Variants in OTOF observed in about 807,000 individuals in gnomAD.
OTOF encodes otoferlin.
Under a neutral mutation model 236.8 loss-of-function variants are expected in OTOF, and 218 were observed. The observed-to-expected ratio is 0.92, with a 90% CI of 0.82 to 1.03. The LOEUF (loss-of-function observed/expected upper bound fraction) is 1.03. OTOF is among the 50% of genes least tolerant of loss of function. The pLI, the probability that OTOF is intolerant of heterozygous loss-of-function variation, is 0.00. For synonymous variants in OTOF, 1,041 were observed against 1,072.5 expected, an observed-to-expected ratio of 0.97 and a Z score of 0.57; for missense variants, 2,590 against 2,694.4, an observed-to-expected ratio of 0.96 and a Z score of 0.86.
intron 5 of OTOF, among the ~76,000 whole-genome samples, chr2:26,509,379 C>T (rs762777307): frequency 1.3e-5 from 2 of 152,178 alleles, no homozygotes; most frequent in Non-Finnish European, 2.9e-5. Context: ...TTACTGGGAA[C>T]CTGGCAAACT....
chr2:26,513,123 G>C (rs1666430815), intron 5 of OTOF, among the ~76,000 whole-genome samples: 1 of 152,194 alleles, frequency 6.6e-6, no homozygotes, highest in South Asian at 2.1e-4. Flanking sequence ...GGGGCAGAGA[G>C]TCAGTGGGCG....
intron 46 of OTOF, 129 bp downstream of exon 46, chr2:26,459,879 T>C (rs1321766650): frequency 3.3e-6 from 3 of 897,678 alleles, no homozygotes; most frequent in South Asian, 1.6e-5. Context: ...CATGTGTGCA[T>C]ACATGCTTGT....
chr2:26,504,728 C>G (rs577019601), intron 5 of OTOF, among the ~76,000 whole-genome samples: 1 of 152,310 alleles, frequency 6.6e-6, no homozygotes, highest in African/African-American at 2.4e-5. Context: ...TTCCTGGCAC[C>G]AGGAAGCCCC....
intron 5 of OTOF, among the ~76,000 whole-genome samples, chr2:26,507,504 C>CA (rs1324321517): frequency 1.3e-5 from 2 of 152,168 alleles, no homozygotes; most frequent in African/African-American, 4.8e-5. Context: ...ACTTAGATTT[C>CA]AAAAAATGTA....
rs147552283 is a variant in OTOF at position 26,472,522 on chromosome 2, G to C, written c.3861C>G (p.Asp1287Glu). 6.2e-7 allele frequency: 1 copy of C among 1,613,350 alleles called. No individual in the cohort carries two copies. Among genetic ancestry groups the C allele is most frequent in the Non-Finnish European group, 8.5e-7 (1 of 1,179,992 alleles). ...GGGCTGACCCCACCCGCCTTACCGC[G>C]TCCAGCTTCACCATGGTCTCCAGTT... ...IKKLETMVKL[D>E]ATSEAVVKVD... Residue 1287 changes from aspartate (D) to glutamate (E), a missense_variant, in exon 30 of 47, where the codon GAC (aspartate) becomes GAG (glutamate). Around this residue, in one of 2 missense-constraint regions of OTOF, gnomAD observed 1,211 missense variants for 1,352.8 expected, o/e 0.90. Coordinates refer to ENST00000272371, the MANE Select transcript of OTOF (RefSeq NM_194248.3).
chr2:26,508,645 C>T (rs1424030721), intron 5 of OTOF, among the ~76,000 whole-genome samples: 1 of 152,224 alleles, frequency 6.6e-6, no homozygotes, highest in Non-Finnish European at 1.5e-5. Flanking sequence ...TCTCCCCAAA[C>T]CAGCCTATCC....
chr2:26,463,613 C>T, intron 40 of OTOF, 42 bp from the exon 41 acceptor site: 1 of 1,485,930 alleles, frequency 6.7e-7, no homozygotes. Flanking sequence ...GGCCTTCTCC[C>T]TCTGCCCAGG....
intron 1 of OTOF, among the ~76,000 whole-genome samples, chr2:26,543,371 G>C (rs904447673): frequency 2.0e-5 from 3 of 152,206 alleles, no homozygotes; most frequent in Non-Finnish European, 4.4e-5. Context: ...TGTTAGCCGG[G>C]GGTCATTATC....
At chr2:26,537,820 C>A in intron 1 of OTOF, 46 bp from the exon 2 acceptor site, 1 of 1,404,532 alleles carries the variant, frequency 7.1e-7, no homozygotes. Context: ...GCTGTCCAGA[C>A]GATGAGCATG....
rs776974320 is a variant in OTOF at position 26,464,446 on chromosome 2, C to A, written c.4961-340G>T. Among the ~76,000 whole-genome samples the A allele has an allele frequency of 2.9e-4, 44 of 152,222 alleles. No individual in the cohort carries two copies. In the Middle Eastern group the frequency reaches 0.024, roughly 82 times the overall value. On this transcript the variant is annotated intron_variant, in intron 39 of 46. Transcript: ENST00000272371. ...ATACCAGCACAGACACCTCCCAATT[C>A]TCTGCTTCTCTGGGAAGTGCCTCAT...
In OTOF at chr2:26,465,992, T is replaced by C; in HGVS notation, c.4585A>G (p.Lys1529Glu). ...AGCTGCTTGGAGATGTAGTTCTCCT[T>C]GTCGCGGATGTCAGTCTTGCCTAGC... ...IRLGKTDIRDKENYISKQLNP... is the reference protein window; with the variant it reads ...IRLGKTDIRDEENYISKQLNP... The change falls in exon 37 of 47, where the codon AAG becomes GAG. Residue 1529 changes from lysine to glutamate, a missense_variant. Lys to Glu is a moderately conservative substitution (Grantham distance 56). Transcript: ENST00000272371. 1 of 1,614,254 alleles carries C rather than the reference T, an allele frequency of 6.2e-7. No individual in the cohort carries two copies. Among genetic ancestry groups the C allele is most frequent in the Non-Finnish European group, 8.5e-7 (1 of 1,180,042 alleles).
At position 26,533,935 on chromosome 2, in the gene OTOF, C is replaced by G. The variant is rs189828315; in HGVS notation, c.138+3781G>C. On this transcript the variant is annotated intron_variant, in intron 2 of 46. Transcript: ENST00000272371. ...GCAGATAAGGCCAAACTCCCCTGCC[C>G]TGTCATCCCCCAGGCTGGAGACCTC... Among the ~76,000 whole-genome samples the G allele has an allele frequency of 1.7e-3, 254 of 152,234 alleles. 8 individuals carry two copies. The East Asian group carries it at 0.044, about 26-fold the overall frequency.
At position 26,482,432 on chromosome 2, in the gene OTOF, C is replaced by G. The variant is rs150090360; in HGVS notation, c.1553G>C (p.Arg518Pro). Residue 518 changes from arginine to proline, a missense_variant, in exon 14 of 47, where the codon CGC (arginine) becomes CCC (proline). Transcript: ENST00000272371. ...TTTGTCTCCGTCATTAGAAATCTTGCGCAGGTCAATGAAGTGGGTGCCGAT... is the reference window on the plus strand; with the variant it reads ...TTTGTCTCCGTCATTAGAAATCTTGGGCAGGTCAATGAAGTGGGTGCCGAT... Reference protein sequence around the residue: ...VAIGTHFIDLRKISNDGDKGF... With the variant: ...VAIGTHFIDLPKISNDGDKGF... The G allele has an allele frequency of 6.2e-7, 1 of 1,613,356 alleles. No individual in the cohort carries two copies. The highest frequency in any genetic ancestry group is 1.3e-5 in the African/African-American group (1 of 75,072).
At chr2:26,544,427 C>T (rs1222428043) in intron 1 of OTOF, among the ~76,000 whole-genome samples, 2 of 152,114 alleles carry the variant, frequency 1.3e-5, no homozygotes, top group Admixed American at 6.5e-5. Context: ...AAAAGGTATC[C>T]TACAGAATGT....
intron 6 of OTOF, 143 bp from the exon 7 acceptor site, chr2:26,502,569 T>G: frequency 1.2e-6 from 1 of 833,650 alleles, no homozygotes; most frequent in Non-Finnish European, 2.0e-6. Context: ...ATGGCCTGAA[T>G]AACTGCAGTG....
rs777896017 is a variant in OTOF at position 26,460,860 on chromosome 2, C to T, written c.5704G>A (p.Glu1902Lys). The change falls in exon 44 of 47, where the codon GAG becomes AAG. Residue 1902 changes from glutamate to lysine, a missense_variant. Coordinates refer to ENST00000272371, the MANE Select transcript of OTOF (RefSeq NM_194248.3). The surrounding 1 kb of genome is among the most constrained non-coding windows in gnomAD (Gnocchi z 5.3). Reference protein sequence around the residue: ...LLARNENDEFELTGKVEAELH... With the variant: ...LLARNENDEFKLTGKVEAELH... ...CAGGAAGGGGTGCGCACCGTGAGCTCAAACTCATCGTTCTCATTGCGGGCC... is the reference window on the plus strand; with the variant it reads ...CAGGAAGGGGTGCGCACCGTGAGCTTAAACTCATCGTTCTCATTGCGGGCC... The T allele has an allele frequency of 6.2e-7, 1 of 1,614,080 alleles. No homozygotes were observed. The highest frequency in any genetic ancestry group is 1.3e-5 in the African/African-American group (1 of 74,938).
chr2:26,499,063 G>A (rs897846318), intron 8 of OTOF, among the ~76,000 whole-genome samples: 28 of 152,088 alleles, frequency 1.8e-4, no homozygotes, highest in African/African-American at 6.3e-4. Context: ...GAGATGTTGG[G>A]TGACAATGTA....
At chr2:26,485,084 C>A (rs774203177) in intron 11 of OTOF, among the ~76,000 whole-genome samples, 1 of 152,194 alleles carries the variant, frequency 6.6e-6, no homozygotes, top group Non-Finnish European at 1.5e-5. Flanking sequence ...GGCCTGCAGG[C>A]TCCTGATTTA....
intron 4 of OTOF, 38 bp from the exon 5 acceptor site, chr2:26,516,637 T>C (rs1169542311): frequency 1.3e-6 from 2 of 1,594,544 alleles, no homozygotes; most frequent in East Asian, 2.2e-5. Flanking sequence ...GCTGGGATGG[T>C]GACAGCAATC....
Sources: gnomAD v4.1 joint callset for allele counts (sites outside exome capture counted in the v4.1 genomes callset) on GRCh38, gnomAD v4.1.1 for gene constraint, gnomAD v4.1.1 regional missense constraint, Gnocchi (gnomAD v3.1) non-coding constraint, MANE v1.5 for transcripts, NCBI Gene and HGNC (gene_info 2026-07-23, HGNC 2026-07-21) for gene names.